Variants in UGT1A10 observed in about 807,000 individuals in gnomAD.
UGT1A10 encodes the protein UDP glucuronosyltransferase family 1 member A10, also known as UDP-glucuronosyltransferase 1A10.
A neutral mutation model predicts 45.8 loss-of-function variants in UGT1A10; 49 were observed. The ratio of observed to expected loss-of-function variants is 1.07; its 90% CI spans 0.85 to 1.36. The LOEUF is 1.36. Ranked by LOEUF, UGT1A10 falls within the 40% of genes most tolerant of loss-of-function variation. The probability of loss-of-function intolerance (pLI) is 0.00; values close to 1 mark genes in which losing one functional copy is unlikely to be tolerated. For synonymous variants in UGT1A10, 284 were observed against 249.7 expected (o/e 1.14, Z -1.29); for missense variants, 745 against 668.6 (o/e 1.11, Z -1.26).
intron 1 of UGT1A10, among the ~76,000 whole-genome samples, chr2:233,686,716 G>A (rs1484687692): frequency 6.6e-6 from 1 of 152,080 alleles, no homozygotes; most frequent in Non-Finnish European, 1.5e-5. Flanking sequence ...CCTCCCACCG[G>A]CTATGAAGGT....
chr2:233,712,601 G>T (rs2076243424), intron 1 of UGT1A10, among the ~76,000 whole-genome samples: 1 of 152,202 alleles, frequency 6.6e-6, no homozygotes, highest in Non-Finnish European at 1.5e-5. Context: ...TATGGTTGGG[G>T]ACTAGGGCAA....
chr2:233,749,815 C>T (rs1374657225), intron 1 of UGT1A10, among the ~76,000 whole-genome samples: 1 of 151,874 alleles, frequency 6.6e-6, no homozygotes, highest in African/African-American at 2.4e-5. Flanking sequence ...AGCTCTTCCT[C>T]TTTCTCTCTT....
intron 1 of UGT1A10, among the ~76,000 whole-genome samples, chr2:233,724,109 G>T (rs1321159895): frequency 8.8e-6 from 1 of 113,982 alleles, no homozygotes; most frequent in African/African-American, 4.2e-5. Context: ...AGGGGCGGCC[G>T]GGCAGAGGCG....
Position 233,769,603 on chromosome 2 carries a change from G to A in UGT1A10, c.1295+1164G>A. The stretch of plus-strand genomic sequence containing the variant: ...CAGATGAGAGGAGACGGAACACGGG[G>A]ACACACCAGCTTGAGCAAGGGACAA... On this transcript the variant is annotated intron_variant, in intron 4 of 4. Coordinates refer to ENST00000344644, the MANE Select transcript of UGT1A10 (RefSeq NM_019075.4). This position sits in a 1 kb window ranked among gnomAD's most constrained non-coding sequence, Gnocchi z 4.4. The A allele has an allele frequency of 6.2e-7, 1 of 1,612,818 alleles. No homozygotes were observed. The highest frequency in any genetic ancestry group is 8.5e-7 in the Non-Finnish European group (1 of 1,179,870).
chr2:233,765,956 G>A (rs1699007626), intron 1 of UGT1A10, among the ~76,000 whole-genome samples: 1 of 152,142 alleles, frequency 6.6e-6, no homozygotes, highest in African/African-American at 2.4e-5. Flanking sequence ...CTCACCGGCA[G>A]TGTCTAGAGG....
intron 1 of UGT1A10, chr2:233,755,763 T>G (rs1382676061): frequency 6.5e-6 from 1 of 152,928 alleles, no homozygotes; most frequent in Non-Finnish European, 1.5e-5. Context: ...TTTGCTTTTG[T>G]TCATCTGGAT....
At chr2:233,669,777 G>T (rs368360684) in intron 1 of UGT1A10, among the ~76,000 whole-genome samples, 1 of 151,952 alleles carries the variant, frequency 6.6e-6, no homozygotes, top group Non-Finnish European at 1.5e-5. Flanking sequence ...TCCGCTTCCC[G>T]GGTTCAAGTG....
rs186169024 is a variant in UGT1A10 at position 233,637,343 on chromosome 2, G to A, written c.821G>A (p.Gly274Asp). Residue 274 changes from glycine to aspartate, a missense_variant, in exon 1 of 5, where the codon GGT (glycine) becomes GAT (aspartate). Gly to Asp is a moderately conservative substitution (Grantham distance 94). Coordinates refer to ENST00000344644, the MANE Select transcript of UGT1A10 (RefSeq NM_019075.4). ...ATGCCCAACATGATCTTCATTGGTGGTATCAACTGTCATCAGGGAAAGCCA... is the reference window on the plus strand; with the variant it reads ...ATGCCCAACATGATCTTCATTGGTGATATCAACTGTCATCAGGGAAAGCCA... The part of the protein sequence containing the change: ...PVMPNMIFIG[G>D]INCHQGKPLP... 10 of 1,613,826 alleles carry A rather than the reference G, an allele frequency of 6.2e-6. No individual in the cohort carries two copies. In the African/African-American group the frequency reaches 1.1e-4, roughly 17 times the overall value.
At chr2:233,760,864 G>C in intron 1 of UGT1A10, 1 of 1,613,978 alleles carries the variant, frequency 6.2e-7, no homozygotes, top group Non-Finnish European at 8.5e-7. Flanking sequence ...ATTCTCCTAC[G>C]TGCCCAGGCC....
At chr2:233,755,508 C>T (rs1304593728) in intron 1 of UGT1A10, 5 of 166,694 alleles carry the variant, frequency 3.0e-5, no homozygotes, top group Non-Finnish European at 5.2e-5. Flanking sequence ...AGACCAGGCC[C>T]CGCCCACTCC....
At chr2:233,715,907 A>G (rs1294702392) in intron 1 of UGT1A10, among the ~76,000 whole-genome samples, 1 of 152,180 alleles carries the variant, frequency 6.6e-6, no homozygotes, top group East Asian at 1.9e-4. Flanking sequence ...CTCAGGTGGG[A>G]GGATCATTGA....
rs1031520342 is a variant in UGT1A10, at chr2:233,702,053, C to T, written c.855+64676C>T. Among the ~76,000 whole-genome samples, 3 of 152,266 alleles carry T rather than the reference C, an allele frequency of 2.0e-5. No homozygotes were observed. The East Asian group carries it at 5.8e-4, about 29-fold the overall frequency. On this transcript the variant is annotated intron_variant, in intron 1 of 4. Coordinates refer to ENST00000344644, the MANE Select transcript of UGT1A10 (RefSeq NM_019075.4). ...AAAACCCTTCAAAAAATTAACAATT[C>T]ACTAATTTTAATGGTTTTTGGTATA... is the stretch of plus-strand genomic sequence containing the variant.
intron 1 of UGT1A10, among the ~76,000 whole-genome samples, chr2:233,665,832 G>C (rs2074066249): frequency 6.6e-6 from 1 of 152,156 alleles, no homozygotes; most frequent in Non-Finnish European, 1.5e-5. Flanking sequence ...TATGGTAGGT[G>C]TATGGTTACC....
intron 1 of UGT1A10, chr2:233,717,743 G>A (rs182116418): frequency 2.2e-6 from 1 of 456,536 alleles, no homozygotes; most frequent in East Asian, 6.9e-5. Flanking sequence ...AGTGCTCAGG[G>A]TCTCCCCCTA....
chr2:233,732,720 A>G lies in UGT1A10; in HGVS notation c.856-34314A>G, dbSNP rs554458452. On this transcript the variant is annotated intron_variant, in intron 1 of 4. Transcript: ENST00000344644. ...TTTTGTTACTGTAGCCTTGTAGTAC[A>G]GTTTGAAGTCAGGTAGCATGATGCC... Among the ~76,000 whole-genome samples, 386 of 148,730 alleles carry G rather than the reference A, an allele frequency of 2.6e-3. 1 individual carries two copies. The highest frequency in any genetic ancestry group is 3.9e-3 in the Non-Finnish European group (263 of 67,550).
At chr2:233,642,916 C>G (rs1401427281) in intron 1 of UGT1A10, among the ~76,000 whole-genome samples, 3 of 152,160 alleles carry the variant, frequency 2.0e-5, no homozygotes, top group African/African-American at 7.2e-5. Context: ...GTCTCTCTCT[C>G]TGTTCTGAGC....
intron 1 of UGT1A10, among the ~76,000 whole-genome samples, chr2:233,732,436 GTTTTAGGTCTAACA>G (rs2078272762): frequency 1.3e-5 from 2 of 152,194 alleles, no homozygotes; most frequent in Admixed American, 6.5e-5. Context: ...GATTTTTATG[GTTTTAGGTCTAACA>G]TTTGAGTCTT....
intron 1 of UGT1A10, among the ~76,000 whole-genome samples, chr2:233,661,708 C>CT (rs767733403): frequency 0.013 from 1,193 of 90,840 alleles, 39 homozygotes; most frequent in African/African-American, 0.04. Context: ...TATCTGGATT[C>CT]TTTTTTTTTT....
chr2:233,702,690 G>A (rs1234332787), intron 1 of UGT1A10, among the ~76,000 whole-genome samples: 1 of 152,084 alleles, frequency 6.6e-6, no homozygotes, highest in African/African-American at 2.4e-5. Flanking sequence ...GTTTGGTTTT[G>A]TCAAATGCTT....
Sources: allele counts gnomAD v4.1 joint callset (sites outside exome capture counted in the v4.1 genomes callset), GRCh38; gene constraint gnomAD v4.1.1; non-coding constraint Gnocchi (gnomAD v3.1); transcripts MANE v1.5; gene names NCBI Gene and HGNC (gene_info 2026-07-23, HGNC 2026-07-21).